GRID1: variants seen among roughly 807,000 people sequenced by gnomAD.
The protein encoded by GRID1 is glutamate ionotropic receptor delta type subunit 1.
Under a neutral mutation model 98.0 loss-of-function variants are expected in GRID1, and 28 were observed. The ratio of observed to expected loss-of-function variants is 0.29; its 90% CI spans 0.21 to 0.39. The LOEUF is 0.39. Ranked by LOEUF, GRID1 falls within the 10% of genes least tolerant of loss-of-function variation. GRID1 has a pLI of 1.00. For synonymous variants in GRID1, 553 were observed against 538.5 expected (o/e 1.03, Z -0.37); for missense variants, 1,111 against 1,340.5 (o/e 0.83, Z 2.67).
chr10:85,612,684 C>T lies in GRID1; in HGVS notation c.2601+723G>A, dbSNP rs61321597. On this transcript the variant is annotated intron_variant, in intron 15 of 15. Coordinates refer to ENST00000327946, the MANE Select transcript of GRID1 (RefSeq NM_017551.3). Reference sequence around the variant, plus strand: ...CCACCAAATGACACTACTTTCCACCCTTCCGTAGGGCAAAGGTCTCCGGGG... The same window carrying T: ...CCACCAAATGACACTACTTTCCACCTTTCCGTAGGGCAAAGGTCTCCGGGG... Among the ~76,000 whole-genome samples, 678 of 151,834 alleles carry T rather than the reference C, an allele frequency of 4.5e-3. 9 individuals are homozygous for T. Among genetic ancestry groups the T allele is most frequent in the African/African-American group, 0.016 (648 of 41,366 alleles).
At chr10:85,825,398 G>C (rs557113205) in intron 8 of GRID1, among the ~76,000 whole-genome samples, 4 of 147,764 alleles carry the variant, frequency 2.7e-5, no homozygotes, top group African/African-American at 1.0e-4. Flanking sequence ...TTTTTTTCTT[G>C]CTGATTTATT....
intron 7 of GRID1, among the ~76,000 whole-genome samples, chr10:85,855,702 G>A (rs984071241): frequency 6.6e-6 from 1 of 152,226 alleles, no homozygotes; most frequent in African/African-American, 2.4e-5. Context: ...GGGGAGTGGT[G>A]TTCTGCATAG....
rs147816099 is a variant in GRID1 at position 85,728,040 on chromosome 10, C to T, written c.1348G>A (p.Val450Met). The change falls in exon 10 of 16, where the codon GTG (valine) becomes ATG (methionine). Residue 450 changes from valine (V) to methionine (M), a missense_variant. Coordinates refer to ENST00000327946, the MANE Select transcript of GRID1 (RefSeq NM_017551.3). ...CCTAGGATGTTCTCAGCCACCATCACGAAAGGCTCTTCCTGAGGACAACAG... is the reference window on the plus strand; with the variant it reads ...CCTAGGATGTTCTCAGCCACCATCATGAAAGGCTCTTCCTGAGGACAACAG... ...KVVTVLEEPF[V>M]MVAENILGQP... The T allele has an allele frequency of 2.9e-5, 46 of 1,611,676 alleles. No homozygotes were observed. The highest frequency in any genetic ancestry group is 1.6e-4 in the Middle Eastern group (1 of 6,080).
intron 7 of GRID1, among the ~76,000 whole-genome samples, 160 bp from the exon 8 acceptor site, chr10:85,854,775 G>A (rs560495001): frequency 2.6e-5 from 4 of 152,198 alleles, no homozygotes; most frequent in Non-Finnish European, 5.9e-5. Context: ...GTGGTCCTAG[G>A]CCCTCAGAGC....
chr10:85,933,156 C>T (rs10887537), intron 4 of GRID1, among the ~76,000 whole-genome samples: 4 of 152,060 alleles, frequency 2.6e-5, no homozygotes, highest in Non-Finnish European at 5.9e-5. Context: ...CTCACTCTCT[C>T]TTACCCTCTC....
At chr10:86,173,609 T>C (rs1184025007) in intron 3 of GRID1, among the ~76,000 whole-genome samples, 1 of 151,872 alleles carries the variant, frequency 6.6e-6, no homozygotes, top group Non-Finnish European at 1.5e-5. Context: ...AGTTTTAGGG[T>C]ACATGTGCAC....
chr10:86,211,749 C>T (rs111375075), intron 2 of GRID1, among the ~76,000 whole-genome samples: 229 of 152,266 alleles, frequency 1.5e-3, no homozygotes, highest in African/African-American at 5.1e-3. Context: ...AGTTGCTTGG[C>T]CAGGGCCACA....
At chr10:85,743,159 C>T (rs528349907) in intron 8 of GRID1, among the ~76,000 whole-genome samples, 35 of 140,930 alleles carry the variant, frequency 2.5e-4, no homozygotes, top group East Asian at 7.2e-4. Flanking sequence ...TCCAGCTGCC[C>T]GCAAAAAGTA....
At chr10:85,917,779 A>C (rs77064185) in intron 4 of GRID1, among the ~76,000 whole-genome samples, 3,607 of 152,352 alleles carry the variant, frequency 0.024, 67 homozygotes, top group Middle Eastern at 0.041. Flanking sequence ...GTATGCTACA[A>C]GGCTGTATCC....
chr10:86,053,592 GA>G (rs1174898822), intron 4 of GRID1, among the ~76,000 whole-genome samples: 3 of 151,926 alleles, frequency 2.0e-5, no homozygotes, highest in African/African-American at 7.3e-5. Flanking sequence ...GAACTCAGGA[GA>G]TCCGCCCGCC....
chr10:86,087,618 T>TA (rs1416350012), intron 4 of GRID1, among the ~76,000 whole-genome samples: 4 of 152,102 alleles, frequency 2.6e-5, no homozygotes, highest in Non-Finnish European at 5.9e-5. Context: ...TGGCCACTCC[T>TA]ATGTGTCCAA....
At chr10:86,177,740 G>C (rs550541992) in intron 3 of GRID1, among the ~76,000 whole-genome samples, 1 of 152,104 alleles carries the variant, frequency 6.6e-6, no homozygotes, top group African/African-American at 2.4e-5. Flanking sequence ...GTGCATGAGC[G>C]AGACAGTGTG....
chr10:86,128,783 T>G (rs1183941145), intron 4 of GRID1, among the ~76,000 whole-genome samples: 1 of 152,192 alleles, frequency 6.6e-6, no homozygotes, highest in South Asian at 2.1e-4. Context: ...ACGCCCTTCA[T>G]GCCCATATCT....
At chr10:86,096,196 G>A (rs1844218941) in intron 4 of GRID1, among the ~76,000 whole-genome samples, 1 of 152,092 alleles carries the variant, frequency 6.6e-6, no homozygotes, top group Non-Finnish European at 1.5e-5. Context: ...GGGACTTGGG[G>A]GGAAGAGTGA....
chr10:85,963,441 C>G (rs1842296314), intron 4 of GRID1, among the ~76,000 whole-genome samples: 1 of 152,176 alleles, frequency 6.6e-6, no homozygotes, highest in African/African-American at 2.4e-5. Context: ...ACACAGTGGA[C>G]AGGGTGACTT....
At chr10:86,119,801 G>GT (rs1279754708) in intron 4 of GRID1, among the ~76,000 whole-genome samples, 1 of 151,734 alleles carries the variant, frequency 6.6e-6, no homozygotes, top group Non-Finnish European at 1.5e-5. Context: ...GTTTTTTTGG[G>GT]TTTTTTTGAG....
chr10:85,642,957 T>A (rs1027564775), intron 13 of GRID1, among the ~76,000 whole-genome samples: 1 of 152,082 alleles, frequency 6.6e-6, no homozygotes, highest in African/African-American at 2.4e-5. Flanking sequence ...AAGGAGTGGA[T>A]CTCAGAGGCG....
At chr10:86,044,475 G>T (rs1195542500) in intron 4 of GRID1, among the ~76,000 whole-genome samples, 1 of 152,204 alleles carries the variant, frequency 6.6e-6, no homozygotes, top group East Asian at 1.9e-4. Flanking sequence ...GATTTGCTTA[G>T]TAAAGAAGAA....
intron 3 of GRID1, among the ~76,000 whole-genome samples, chr10:86,171,242 A>T (rs1845482765): frequency 6.6e-6 from 1 of 152,194 alleles, no homozygotes; most frequent in African/African-American, 2.4e-5. Flanking sequence ...ATCCTTCTCA[A>T]GCTCAAGAGA....
Sources: gnomAD v4.1 joint callset for allele counts (sites outside exome capture counted in the v4.1 genomes callset) on GRCh38, gnomAD v4.1.1 for gene constraint, MANE v1.5 for transcripts, NCBI Gene and HGNC (gene_info 2026-07-23, HGNC 2026-07-21) for gene names.